TCERG1L: variants seen among roughly 807,000 people sequenced by gnomAD.
TCERG1L encodes transcription elongation regulator 1 like, also known as transcription elongation regulator 1-like protein.
In TCERG1L, 37 loss-of-function variants were observed where a neutral mutation model predicts 56.3. The observed-to-expected ratio is 0.66, with a 90% CI of 0.51 to 0.87. The LOEUF (loss-of-function observed/expected upper bound fraction) is 0.87. Among genes scored for constraint, TCERG1L ranks in the 40% least tolerant of loss-of-function variants. The probability of loss-of-function intolerance (pLI) is 0.00; values close to 1 mark genes in which losing one functional copy is unlikely to be tolerated. For missense variants in TCERG1L, 799 were observed against 774.2 expected (o/e 1.03, Z -0.38); for synonymous variants, 324 against 326.3 (o/e 0.99, Z 0.08).
chr10:131,238,241 T>G (rs1242732153), intron 4 of TCERG1L, among the ~76,000 whole-genome samples: 1 of 152,124 alleles, frequency 6.6e-6, no homozygotes, highest in Non-Finnish European at 1.5e-5. Context: ...TGTGCAGCCA[T>G]CTCGTTAAGG....
At position 131,301,940 on chromosome 10, in the gene TCERG1L, C is replaced by G. The variant is rs529568586; in HGVS notation, c.670+6271G>C. Among the ~76,000 whole-genome samples the G allele has an allele frequency of 3.9e-5, 6 of 151,992 alleles. No individual in the cohort carries two copies. In the South Asian group the frequency reaches 1.0e-3, roughly 26 times the overall value. On this transcript the variant is annotated intron_variant, in intron 3 of 11. Coordinates refer to ENST00000368642, the MANE Select transcript of TCERG1L (RefSeq NM_174937.4). The stretch of plus-strand genomic sequence containing the variant: ...TTAAATAATTGACCTGAGCTTAAAA[C>G]AAAAATAAGGCAAAAGTTGATAAGA...
At chr10:131,138,786 T>A (rs576505643) in intron 7 of TCERG1L, among the ~76,000 whole-genome samples, 1 of 152,292 alleles carries the variant, frequency 6.6e-6, no homozygotes, top group African/African-American at 2.4e-5. Flanking sequence ...ATTGTGAACA[T>A]ACTGAACGCC....
At chr10:131,180,902 T>C (rs1192778377) in intron 4 of TCERG1L, among the ~76,000 whole-genome samples, 1 of 152,100 alleles carries the variant, frequency 6.6e-6, no homozygotes, top group East Asian at 1.9e-4. Flanking sequence ...ATCCCCACGC[T>C]TCCCATCGCT....
chr10:131,256,409 G>A (rs1464469866), intron 4 of TCERG1L, among the ~76,000 whole-genome samples: 1 of 152,186 alleles, frequency 6.6e-6, no homozygotes, highest in African/African-American at 2.4e-5. Context: ...CCATTAAATA[G>A]TTCTGGAAGC....
At chr10:131,216,887 C>G (rs763454170) in intron 4 of TCERG1L, among the ~76,000 whole-genome samples, 1 of 152,128 alleles carries the variant, frequency 6.6e-6, no homozygotes, top group African/African-American at 2.4e-5. Flanking sequence ...CAAGAGACCG[C>G]GGGGTGGTTC....
intron 4 of TCERG1L, among the ~76,000 whole-genome samples, chr10:131,220,890 T>G (rs1224230401): frequency 6.6e-6 from 1 of 152,158 alleles, no homozygotes; most frequent in Non-Finnish European, 1.5e-5. Flanking sequence ...GTATGTGTGG[T>G]CTTAGTTCTG....
intron 4 of TCERG1L, among the ~76,000 whole-genome samples, chr10:131,245,080 T>C (rs1289118097): frequency 6.6e-6 from 1 of 152,130 alleles, no homozygotes; most frequent in Non-Finnish European, 1.5e-5. Flanking sequence ...ACCCAAGAAA[T>C]TGGCTTGCTA....
chr10:131,261,500 G>T (rs927405419), intron 3 of TCERG1L, among the ~76,000 whole-genome samples: 4 of 152,254 alleles, frequency 2.6e-5, no homozygotes, highest in African/African-American at 7.2e-5. Context: ...CTGTGCACAG[G>T]ACGGTCAGTG....
chr10:131,220,910 C>T (rs1219359193), intron 4 of TCERG1L, among the ~76,000 whole-genome samples: 1 of 152,228 alleles, frequency 6.6e-6, no homozygotes, highest in East Asian at 1.9e-4. Context: ...GCCTTGGGGC[C>T]AGGGCCACCA....
intron 8 of TCERG1L, among the ~76,000 whole-genome samples, chr10:131,125,871 C>G (rs1392856044): frequency 6.6e-6 from 1 of 152,246 alleles, no homozygotes; most frequent in Non-Finnish European, 1.5e-5. Context: ...GCAGCTGTTC[C>G]TCTGCTCTTA....
intron 4 of TCERG1L, among the ~76,000 whole-genome samples, chr10:131,247,518 G>A (rs949659312): frequency 7.0e-6 from 1 of 143,734 alleles, no homozygotes; most frequent in African/African-American, 2.4e-5. Context: ...ACCCCTGGTC[G>A]AGGCCCTGAG....
chr10:131,117,323 A>G (rs1055295284), intron 8 of TCERG1L, among the ~76,000 whole-genome samples: 3 of 152,234 alleles, frequency 2.0e-5, no homozygotes, highest in Admixed American at 2.0e-4. Flanking sequence ...AGATGGGGTC[A>G]TGGAGGGGTA....
intron 4 of TCERG1L, among the ~76,000 whole-genome samples, chr10:131,209,880 A>C (rs1845597857): frequency 1.3e-5 from 2 of 152,208 alleles, no homozygotes; most frequent in South Asian, 4.1e-4. Context: ...GTTACTTTTT[A>C]ATATATCAGA....
At chr10:131,174,441 A>T (rs958997102) in intron 4 of TCERG1L, among the ~76,000 whole-genome samples, 15 of 151,956 alleles carry the variant, frequency 9.9e-5, no homozygotes, top group African/African-American at 3.6e-4. Flanking sequence ...GCGGTTGGAG[A>T]GGGCTCAGGT....
intron 3 of TCERG1L, among the ~76,000 whole-genome samples, chr10:131,282,344 T>C (rs1203273460): frequency 6.6e-6 from 1 of 152,152 alleles, no homozygotes; most frequent in Non-Finnish European, 1.5e-5. Flanking sequence ...ACATGAATGG[T>C]GTTTTAGAAA....
chr10:131,237,555 T>G (rs531070748), intron 4 of TCERG1L, among the ~76,000 whole-genome samples: 7 of 152,186 alleles, frequency 4.6e-5, no homozygotes, highest in Non-Finnish European at 1.0e-4. Context: ...TCAGTTGCAT[T>G]GTATCGGATT....
chr10:131,278,321 A>G (rs1308930657), intron 3 of TCERG1L, among the ~76,000 whole-genome samples: 3 of 148,118 alleles, frequency 2.0e-5, no homozygotes, highest in Middle Eastern at 3.6e-3. Context: ...CTTGAGCTAC[A>G]TCGTCTTTTC....
chr10:131,098,212 T>G, intron 11 of TCERG1L, 94 bp downstream of exon 11: 1 of 1,333,016 alleles, frequency 7.5e-7, no homozygotes. Context: ...GAAGGCTGGG[T>G]TACACGATTT....
intron 6 of TCERG1L, among the ~76,000 whole-genome samples, chr10:131,156,603 C>T (rs1004731846): frequency 2.0e-5 from 3 of 152,074 alleles, no homozygotes; most frequent in Admixed American, 6.5e-5. Context: ...GCAGACAGCC[C>T]GGCGCCACAC....
Sources: gnomAD v4.1 joint callset for allele counts (sites outside exome capture counted in the v4.1 genomes callset) on GRCh38, gnomAD v4.1.1 for gene constraint, MANE v1.5 for transcripts, NCBI Gene and HGNC (gene_info 2026-07-23, HGNC 2026-07-21) for gene names.